PALS2: variants seen among roughly 807,000 people sequenced by gnomAD.
PALS2 encodes protein associated with LIN7 2, MAGUK p55 family member.
PALS2 carries 27 observed loss-of-function variants against 61.6 expected under a neutral mutation model. The observed-to-expected ratio is 0.44, with a 90% CI of 0.32 to 0.60. PALS2 has a LOEUF of 0.60. Ranked by LOEUF, PALS2 falls within the 20% of genes least tolerant of loss-of-function variation. The pLI, the probability that PALS2 is intolerant of heterozygous loss-of-function variation, is 0.05. For synonymous variants in PALS2, 236 were observed against 218.6 expected (o/e 1.08, Z -0.70); for missense variants, 554 against 639.4 (o/e 0.87, Z 1.44).
chr7:24,626,533 A>G (rs928361868), intron 2 of PALS2, among the ~76,000 whole-genome samples: 6 of 152,186 alleles, frequency 3.9e-5, no homozygotes, highest in African/African-American at 1.4e-4. Context: ...ACATAATATT[A>G]ACCTTAGATG....
At chr7:24,609,365 C>T (rs1288133799) in intron 1 of PALS2, among the ~76,000 whole-genome samples, 2 of 152,084 alleles carry the variant, frequency 1.3e-5, no homozygotes, top group Admixed American at 6.6e-5. Context: ...AGGCAGAGAG[C>T]AGGTGGGAGC....
intron 5 of PALS2, among the ~76,000 whole-genome samples, chr7:24,653,772 G>C (rs1195109523): frequency 6.6e-6 from 1 of 152,210 alleles, no homozygotes; most frequent in Non-Finnish European, 1.5e-5. Context: ...AAGGAATGGT[G>C]ATCTTCATTA....
chr7:24,623,936 T>C (rs182768960), intron 2 of PALS2, 152 bp downstream of exon 2: 8 of 978,492 alleles, frequency 8.2e-6, no homozygotes, highest in East Asian at 5.5e-5. Flanking sequence ...TCTTAACATA[T>C]GCAAAAATTA....
chr7:24,651,133 G>A (rs1040490736), intron 5 of PALS2, among the ~76,000 whole-genome samples: 33 of 152,184 alleles, frequency 2.2e-4, no homozygotes, highest in Non-Finnish European at 4.0e-4. Context: ...CAGAAAAGAG[G>A]ATGGGTATAA....
intron 11 of PALS2, among the ~76,000 whole-genome samples, chr7:24,686,121 A>G (rs532629154): frequency 6.6e-6 from 1 of 152,202 alleles, no homozygotes; most frequent in Non-Finnish European, 1.5e-5. Context: ...TTAGAAACCT[A>G]AGAGCAATTC....
At chr7:24,590,159 G>T (rs1465670735) in intron 1 of PALS2, among the ~76,000 whole-genome samples, 1 of 152,106 alleles carries the variant, frequency 6.6e-6, no homozygotes, top group Non-Finnish European at 1.5e-5. Flanking sequence ...TCTTGAGGGA[G>T]GCCCAGAGAA....
chr7:24,590,710 G>A (rs1783251009), intron 1 of PALS2, among the ~76,000 whole-genome samples: 1 of 151,974 alleles, frequency 6.6e-6, no homozygotes, highest in Non-Finnish European at 1.5e-5. Flanking sequence ...TCTTGAACAG[G>A]CCAGGGCCTA....
intron 1 of PALS2, among the ~76,000 whole-genome samples, chr7:24,617,807 G>A (rs1784345190): frequency 1.3e-5 from 2 of 152,156 alleles, no homozygotes; most frequent in Admixed American, 6.5e-5. Context: ...TGGCCATGGG[G>A]CTGTTACTCT....
intron 1 of PALS2, among the ~76,000 whole-genome samples, chr7:24,605,535 C>T (rs1156896048): frequency 6.6e-6 from 1 of 151,904 alleles, no homozygotes; most frequent in African/African-American, 2.4e-5. Flanking sequence ...AGAAATGAAG[C>T]ATATATCTTC....
intron 1 of PALS2, among the ~76,000 whole-genome samples, chr7:24,623,190 C>T (rs1320662719): frequency 7.0e-6 from 1 of 143,852 alleles, no homozygotes; most frequent in African/African-American, 2.5e-5. Flanking sequence ...AAGGTGTTTC[C>T]TTCTCTTCCG....
In PALS2 at chr7:24,687,458, A is replaced by G. The variant is rs761306021; in HGVS notation, c.1467A>G (p.Thr489=). ...AACAGGACTCTGACTTGAAGAAAAC[A>G]GTGGATGAAAGTGCACGGATTCAGA... is the stretch of plus-strand genomic sequence containing the variant. The part of the protein sequence containing the change: ...KLLTDSDLKK[T]VDESARIQRA... Residue 489 remains threonine, a synonymous_variant, in exon 12 of 12, where the codon ACA becomes ACG. Transcript: ENST00000222644. The surrounding 1 kb of genome is among the most constrained non-coding windows in gnomAD (Gnocchi z 4.5). The G allele has an allele frequency of 8.1e-6, 13 of 1,610,188 alleles. 1 individual carries two copies. In the South Asian group the frequency reaches 1.1e-4, roughly 14 times the overall value.
At chr7:24,631,642 A>G (rs1452832627) in intron 2 of PALS2, among the ~76,000 whole-genome samples, 1 of 152,202 alleles carries the variant, frequency 6.6e-6, no homozygotes, top group Non-Finnish European at 1.5e-5. Flanking sequence ...GAAATCTTTC[A>G]TGAAAGGAGA....
chr7:24,640,378 T>C (rs1785461021), intron 2 of PALS2, among the ~76,000 whole-genome samples: 1 of 152,182 alleles, frequency 6.6e-6, no homozygotes, highest in Non-Finnish European at 1.5e-5. Context: ...AAAATTAGAA[T>C]GTTTTATTTG....
rs536966674 is a variant in PALS2 at position 24,672,931 on chromosome 7, G to A, written c.1114+4271G>A. On this transcript the variant is annotated intron_variant, in intron 9 of 11. Transcript: ENST00000222644. ...ACTTTCCTCAACTAGAACCTGCAGTGTAATGTGTAATAGTGTAATAGAAGT... is the reference window on the plus strand; with the variant it reads ...ACTTTCCTCAACTAGAACCTGCAGTATAATGTGTAATAGTGTAATAGAAGT... Among the ~76,000 whole-genome samples, 5 of 152,272 alleles carry A rather than the reference G, an allele frequency of 3.3e-5. No homozygotes were observed. The East Asian group carries it at 9.7e-4, about 29-fold the overall frequency.
intron 2 of PALS2, among the ~76,000 whole-genome samples, chr7:24,636,786 G>A (rs1056608164): frequency 6.8e-6 from 1 of 148,018 alleles, no homozygotes; most frequent in Non-Finnish European, 1.5e-5. Flanking sequence ...TTATTGATTT[G>A]TAGAAGTCCT....
At chr7:24,643,174 G>C (rs1004886954) in intron 3 of PALS2, among the ~76,000 whole-genome samples, 2 of 152,016 alleles carry the variant, frequency 1.3e-5, no homozygotes, top group African/African-American at 4.8e-5. Flanking sequence ...AAAATGTTTT[G>C]GACATACTTA....
intron 10 of PALS2, among the ~76,000 whole-genome samples, 199 bp downstream of exon 10, chr7:24,679,532 G>A (rs1787804718): frequency 6.6e-6 from 1 of 152,144 alleles, no homozygotes; most frequent in African/African-American, 2.4e-5. Flanking sequence ...AGCCAACAGA[G>A]GCTTGGGTGG....
At chr7:24,602,146 G>A (rs1323471750) in intron 1 of PALS2, among the ~76,000 whole-genome samples, 1 of 151,728 alleles carries the variant, frequency 6.6e-6, no homozygotes, top group African/African-American at 2.4e-5. Context: ...TACCTTCCAT[G>A]ATTTCCATTG....
chr7:24,578,540 A>G (rs1782723835), intron 1 of PALS2, among the ~76,000 whole-genome samples: 1 of 152,186 alleles, frequency 6.6e-6, no homozygotes, highest in Non-Finnish European at 1.5e-5. Flanking sequence ...AGGGCACATC[A>G]TATCGTTTCT....
Sources: allele counts gnomAD v4.1 joint callset (sites outside exome capture counted in the v4.1 genomes callset), GRCh38; gene constraint gnomAD v4.1.1; non-coding constraint Gnocchi (gnomAD v3.1); transcripts MANE v1.5; gene names NCBI Gene and HGNC (gene_info 2026-07-23, HGNC 2026-07-21).